COLGALT1: variants seen among roughly 807,000 people sequenced by gnomAD.
COLGALT1 encodes the protein procollagen galactosyltransferase 1.
In COLGALT1, 43 loss-of-function variants were observed where a neutral mutation model predicts 60.8. The observed-to-expected ratio is 0.71, with a 90% CI of 0.55 to 0.91. COLGALT1 has a LOEUF of 0.91. Ranked by LOEUF, COLGALT1 falls within the 40% of genes least tolerant of loss-of-function variation. The pLI, the probability that COLGALT1 is intolerant of heterozygous loss-of-function variation, is 0.00. For missense variants in COLGALT1, 845 were observed against 880.0 expected (o/e 0.96, Z 0.50); for synonymous variants, 369 against 374.2 (o/e 0.99, Z 0.16).
At chr19:17,561,506 G>T (rs1299323470) in intron 3 of COLGALT1, among the ~76,000 whole-genome samples, 1 of 151,684 alleles carries the variant, frequency 6.6e-6, no homozygotes, top group Non-Finnish European at 1.5e-5. Context: ...GGCCTGACTT[G>T]CACTTCCTCC....
rs983596474 is a variant in COLGALT1, at chr19:17,572,713, G to C, written c.949+111G>C. On this transcript the variant is annotated intron_variant, in intron 6 of 11. Coordinates refer to ENST00000252599, the MANE Select transcript of COLGALT1 (RefSeq NM_024656.4). ...GAGTGCCAGGCAGATGCAAGTCCCT[G>C]TGGGGGGTGCTGGGTGCAACGGCAC... is the stretch of plus-strand genomic sequence containing the variant. The C allele has an allele frequency of 2.0e-6, 3 of 1,492,492 alleles. No homozygotes were observed. The African/African-American group carries it at 4.1e-5, about 21-fold the overall frequency. 92.5% of individuals were successfully genotyped at this position (1,492,492 alleles called of 1,614,324 possible). A position where few individuals can be genotyped will look rare whatever the true frequency, so the allele number is the denominator to read the frequency against.
chr19:17,561,542 G>A (rs922220202), intron 3 of COLGALT1, among the ~76,000 whole-genome samples: 3 of 149,714 alleles, frequency 2.0e-5, no homozygotes, highest in Non-Finnish European at 4.4e-5. Flanking sequence ...GTCTCATGGG[G>A]AAGGGAACAG....
chr19:17,555,808 C>G lies in COLGALT1; in HGVS notation c.95C>G (p.Pro32Arg), dbSNP rs1179027745. 6.4e-6 allele frequency: 8 copies of G among 1,257,298 alleles called. No individual in the cohort carries two copies. Among genetic ancestry groups the G allele is most frequent in the Non-Finnish European group, 7.0e-6 (7 of 1,000,414 alleles). The allele number at this position is 1,257,298 out of a possible 1,614,324, so 77.9% of individuals were successfully genotyped here. A position where few individuals can be genotyped will look rare whatever the true frequency, so the allele number is the denominator to read the frequency against. ...LLAPLPPGAP[P>R]GADAYFPEER... ...GCGCCACTGCCGCCGGGGGCCCCGC[C>G]GGGCGCCGACGCCTACTTCCCCGAG... is the stretch of plus-strand genomic sequence containing the variant. The change falls in exon 1 of 12, where the codon CCG becomes CGG. Residue 32 changes from proline to arginine, a missense_variant. By Grantham distance (103) the Pro-to-Arg change is moderately radical. Coordinates refer to ENST00000252599, the MANE Select transcript of COLGALT1 (RefSeq NM_024656.4).
chr19:17,578,037 T>A lies in COLGALT1; in HGVS notation c.1214T>A (p.Leu405His). Reference protein sequence around the residue: ...GYRDPYHGRPLTKGELGCFLS... With the variant: ...GYRDPYHGRPHTKGELGCFLS... ...CGGGACCCCTACCACGGCCGGCCCC[T>A]CACCAAGGGTGAGCTGGGCTGCTTC... The change falls in exon 9 of 12, where the codon CTC (leucine) becomes CAC (histidine). Residue 405 changes from leucine to histidine, a missense_variant. Coordinates refer to ENST00000252599, the MANE Select transcript of COLGALT1 (RefSeq NM_024656.4). 1 of 1,612,624 alleles carries A rather than the reference T, an allele frequency of 6.2e-7. No individual in the cohort carries two copies. The highest frequency in any genetic ancestry group is 8.5e-7 in the Non-Finnish European group (1 of 1,179,572).
chr19:17,563,556 G>A (rs111239297), intron 3 of COLGALT1, among the ~76,000 whole-genome samples: 1 of 152,098 alleles, frequency 6.6e-6, no homozygotes, highest in Non-Finnish European at 1.5e-5. Context: ...TCACCGTGTT[G>A]GCCAGCATGG....
In COLGALT1 at chr19:17,573,468, G is replaced by A. The variant is rs575951394; in HGVS notation, c.949+866G>A. Among the ~76,000 whole-genome samples the A allele has an allele frequency of 2.6e-5, 4 of 152,288 alleles. No homozygotes were observed. In the South Asian group the frequency reaches 8.3e-4, roughly 32 times the overall value. ...CACTTGAACCTGGGAGGCGGAGGTT[G>A]CAGTGAGCCGAGATCGTGCCACTGC... On this transcript the variant is annotated intron_variant, in intron 6 of 11. Transcript: ENST00000252599.
At position 17,560,422 on chromosome 19, in the gene COLGALT1, C is replaced by A. The variant is rs532508199; in HGVS notation, c.446C>A (p.Ala149Glu). The A allele has an allele frequency of 4.6e-5, 75 of 1,614,176 alleles. 1 individual carries two copies. Among genetic ancestry groups the A allele is most frequent in the Middle Eastern group, 3.3e-4 (2 of 6,058 alleles). ...RYEHVMKLRQ[A>E]ALKSARDMWA... ...GAGCATGTCATGAAGTTGCGCCAGGCAGCCCTGAAATCAGCTCGAGACATG... is the reference window on the plus strand; with the variant it reads ...GAGCATGTCATGAAGTTGCGCCAGGAAGCCCTGAAATCAGCTCGAGACATG... Residue 149 changes from alanine (A) to glutamate (E), a missense_variant, in exon 3 of 12, where the codon GCA becomes GAA. Physicochemically the swap from Ala to Glu is moderately radical, Grantham distance 107. Transcript: ENST00000252599.
intron 3 of COLGALT1, 113 bp from the exon 4 acceptor site, chr19:17,567,293 G>A (rs2076285088): frequency 7.2e-7 from 1 of 1,398,038 alleles, no homozygotes; most frequent in East Asian, 2.3e-5. Flanking sequence ...CGGTGTAGGG[G>A]GTGCTTCCAG....
intron 4 of COLGALT1, among the ~76,000 whole-genome samples, 157 bp from the exon 5 acceptor site, chr19:17,568,352 G>T (rs2144828632): frequency 6.6e-6 from 1 of 152,304 alleles, no homozygotes; most frequent in South Asian, 2.1e-4. Context: ...CCTGGCCACA[G>T]GTCCCACACT....
chr19:17,556,336 T>C (rs573207153), intron 1 of COLGALT1, among the ~76,000 whole-genome samples: 4 of 152,324 alleles, frequency 2.6e-5, no homozygotes, highest in African/African-American at 9.6e-5. Flanking sequence ...TCTAACTCCC[T>C]CTGGGGCACG....
At chr19:17,562,383 C>G (rs115850768) in intron 3 of COLGALT1, among the ~76,000 whole-genome samples, 2 of 152,230 alleles carry the variant, frequency 1.3e-5, no homozygotes, top group African/African-American at 4.8e-5. Flanking sequence ...CCTCTGTGGA[C>G]CAGGCGCGGT....
At chr19:17,564,570 C>G (rs1270643180) in intron 3 of COLGALT1, among the ~76,000 whole-genome samples, 1 of 151,766 alleles carries the variant, frequency 6.6e-6, no homozygotes, top group East Asian at 1.9e-4. Context: ...GTGCCCGCCA[C>G]CATGCCTGGC....
At position 17,581,256 on chromosome 19, in the gene COLGALT1, T is replaced by C. The variant is rs1314602609; in HGVS notation, c.1681T>C (p.Tyr561His). 1.9e-6 allele frequency: 3 copies of C among 1,611,110 alleles called. No individual in the cohort carries two copies. In the African/African-American group the frequency reaches 4.0e-5, roughly 22 times the overall value. ...GCCGCTGCTCATCTACCCCACACAC[T>C]ACACAGGAGACGATGGCTATGTGAG... ...VEPLLIYPTH[Y>H]TGDDGYVSDT... Residue 561 changes from tyrosine to histidine, a missense_variant, in exon 12 of 12, where the codon TAC (tyrosine) becomes CAC (histidine). Coordinates refer to ENST00000252599, the MANE Select transcript of COLGALT1 (RefSeq NM_024656.4).
chr19:17,577,135 T>A, intron 6 of COLGALT1, 60 bp from the exon 7 acceptor site: 1 of 1,546,110 alleles, frequency 6.5e-7, no homozygotes, highest in South Asian at 1.1e-5. Flanking sequence ...GGGGAAAGCG[T>A]GTTGGAGAGA....
intron 4 of COLGALT1, among the ~76,000 whole-genome samples, chr19:17,568,182 C>T (rs1002315983): frequency 1.3e-5 from 2 of 152,144 alleles, no homozygotes; most frequent in African/African-American, 4.8e-5. Flanking sequence ...TGTCTTTCTC[C>T]ATCCTTTGGG....
chr19:17,581,597 C>A lies in COLGALT1; in HGVS notation c.*153C>A. 1 of 1,011,584 alleles carries A rather than the reference C, an allele frequency of 9.9e-7. No individual in the cohort carries two copies. The highest frequency in any genetic ancestry group is 1.4e-6 in the Non-Finnish European group (1 of 710,746). The allele number at this position is 1,011,584 out of a possible 1,614,324, so 62.7% of individuals were successfully genotyped here. ...CCAGCTCTTGCTAAGCAATCACGTG[C>A]ACACAGGCAGCATTAATGGAGTGCC... On this transcript the variant is annotated 3_prime_UTR_variant, in exon 12 of 12. Coordinates refer to ENST00000252599, the MANE Select transcript of COLGALT1 (RefSeq NM_024656.4).
chr19:17,578,205 C>A, intron 9 of COLGALT1, 116 bp downstream of exon 9: 2 of 1,143,242 alleles, frequency 1.7e-6, no homozygotes, highest in Non-Finnish European at 2.3e-6. Context: ...CCAGCCTCAG[C>A]CATGGGACCC....
intron 3 of COLGALT1, among the ~76,000 whole-genome samples, 161 bp downstream of exon 3, chr19:17,560,626 T>C (rs2076243382): frequency 6.6e-6 from 1 of 152,116 alleles, no homozygotes; most frequent in Admixed American, 6.6e-5. Flanking sequence ...ATATGGTTGG[T>C]CAGTGGAGGA....
chr19:17,571,335 T>A (rs568945866), intron 5 of COLGALT1, among the ~76,000 whole-genome samples: 227 of 151,932 alleles, frequency 1.5e-3, no homozygotes, highest in African/African-American at 5.0e-3. Flanking sequence ...AAGAATTGTT[T>A]GAACCCAGGA....
Sources: gnomAD v4.1 joint callset for allele counts (sites outside exome capture counted in the v4.1 genomes callset) on GRCh38, gnomAD v4.1.1 for gene constraint, MANE v1.5 for transcripts, NCBI Gene and HGNC (gene_info 2026-07-23, HGNC 2026-07-21) for gene names.